Variants in KAZN observed in about 807,000 individuals in gnomAD.
KAZN encodes the protein kazrin.
A neutral mutation model predicts 87.4 loss-of-function variants in KAZN; 40 were observed. That is an observed-to-expected ratio of 0.46 (90% confidence interval 0.36 to 0.60). The LOEUF is 0.60. KAZN is among the 20% of genes least tolerant of loss of function. The pLI, the probability that KAZN is intolerant of heterozygous loss-of-function variation, is 0.00. For missense variants in KAZN, 898 were observed against 1,073.9 expected (o/e 0.84, Z 2.29); for synonymous variants, 466 against 458.3 (o/e 1.02, Z -0.22).
chr1:14,211,307 G>A (rs1273257338), intron 2 of KAZN, among the ~76,000 whole-genome samples: 2 of 152,106 alleles, frequency 1.3e-5, no homozygotes, highest in African/African-American at 4.8e-5. Context: ...TGCAAGTTCC[G>A]CCTCCCGGGT....
rs139750537 is a variant in KAZN, at chr1:15,008,205, G to C, written c.419-26544G>C. Among the ~76,000 whole-genome samples the C allele has an allele frequency of 5.3e-3, 800 of 152,294 alleles. 5 individuals carry two copies. Among genetic ancestry groups the C allele is most frequent in the African/African-American group, 0.018 (756 of 41,568 alleles). ...TGGGCCACACCTCACCCATCCAGAC[G>C]GCACCACCTCGGAGTCCAGGCCTCG... On this transcript the variant is annotated intron_variant, in intron 2 of 14. Transcript: ENST00000376030.
At chr1:14,196,153 G>A (rs1000652030) in intron 2 of KAZN, among the ~76,000 whole-genome samples, 1 of 152,222 alleles carries the variant, frequency 6.6e-6, no homozygotes, top group Admixed American at 6.5e-5. Flanking sequence ...AACGGTGGTT[G>A]GAGGAGGGTG....
intron 2 of KAZN, among the ~76,000 whole-genome samples, chr1:14,220,956 C>A (rs1043006424): frequency 6.6e-6 from 1 of 152,126 alleles, no homozygotes; most frequent in Non-Finnish European, 1.5e-5. Flanking sequence ...CAGCTTCCTC[C>A]GCTTATCCAT....
At chr1:14,877,997 G>A (rs1406332209) in intron 1 of KAZN, among the ~76,000 whole-genome samples, 1 of 152,078 alleles carries the variant, frequency 6.6e-6, no homozygotes, top group East Asian at 1.9e-4. Flanking sequence ...TGGATTTCTT[G>A]TACAAAGTGG....
At chr1:14,250,146 A>T (rs1330801500) in intron 2 of KAZN, among the ~76,000 whole-genome samples, 1 of 152,140 alleles carries the variant, frequency 6.6e-6, no homozygotes, top group African/African-American at 2.4e-5. Flanking sequence ...TAGTTCCTTT[A>T]TACACATGTT....
chr1:14,198,457 G>A (rs1196941470), intron 2 of KAZN, among the ~76,000 whole-genome samples: 1 of 152,096 alleles, frequency 6.6e-6, no homozygotes, highest in Non-Finnish European at 1.5e-5. Flanking sequence ...AAAATTAGCT[G>A]GGCATGGTGG....
At chr1:14,548,885 A>G (rs962682809) in intron 2 of KAZN, among the ~76,000 whole-genome samples, 11 of 152,222 alleles carry the variant, frequency 7.2e-5, no homozygotes, top group Admixed American at 6.5e-5. Context: ...TTTTATCTCT[A>G]TGCTATTGAT....
intron 1 of KAZN, among the ~76,000 whole-genome samples, chr1:14,712,311 G>A (rs575378855): frequency 2.6e-5 from 4 of 152,284 alleles, no homozygotes; most frequent in African/African-American, 7.2e-5. Context: ...CCTGGTCCAG[G>A]GTGCTGGCAG....
chr1:14,728,606 G>A (rs1027303903), intron 1 of KAZN, among the ~76,000 whole-genome samples: 6 of 152,178 alleles, frequency 3.9e-5, no homozygotes, highest in Admixed American at 6.5e-5. Context: ...AAATGCAGCC[G>A]GTTCCTATAA....
intron 1 of KAZN, among the ~76,000 whole-genome samples, chr1:14,805,113 G>A (rs181314818): frequency 2.0e-5 from 3 of 152,320 alleles, no homozygotes; most frequent in African/African-American, 7.2e-5. Context: ...GTACTAGTCG[G>A]GGTATAGGTG....
chr1:14,887,688 C>T (rs537468913), intron 1 of KAZN, among the ~76,000 whole-genome samples: 2 of 142,890 alleles, frequency 1.4e-5, no homozygotes, highest in Admixed American at 7.1e-5. Context: ...TTTTTGCGGT[C>T]GTGCTCCCAG....
chr1:14,468,748 A>C (rs913605900), intron 2 of KAZN, among the ~76,000 whole-genome samples: 1 of 152,182 alleles, frequency 6.6e-6, no homozygotes, highest in Non-Finnish European at 1.5e-5. Context: ...TTTCACCATC[A>C]GTGTCTGGTT....
intron 2 of KAZN, among the ~76,000 whole-genome samples, chr1:14,324,334 A>G (rs1176963176): frequency 1.3e-5 from 2 of 152,180 alleles, no homozygotes; most frequent in Non-Finnish European, 2.9e-5. Flanking sequence ...TGCTGCAGTA[A>G]TAAGTGTCCC....
At chr1:13,920,264 G>A (rs1205853440) in intron 1 of KAZN, among the ~76,000 whole-genome samples, 8 of 129,970 alleles carry the variant, frequency 6.2e-5, no homozygotes, top group East Asian at 2.9e-4. Flanking sequence ...AAAAAAAAAA[G>A]GTTATTTTTC....
intron 2 of KAZN, among the ~76,000 whole-genome samples, chr1:14,527,604 GCAAGAAA>G (rs1014662945): frequency 2.6e-5 from 4 of 151,462 alleles, no homozygotes; most frequent in Middle Eastern, 3.2e-3. Flanking sequence ...TGCAGACTGA[GCAAGAAA>G]CAAGAAACAC....
intron 1 of KAZN, among the ~76,000 whole-genome samples, chr1:14,902,019 A>G (rs141888510): frequency 6.6e-6 from 1 of 152,294 alleles, no homozygotes; most frequent in African/African-American, 2.4e-5. Context: ...GTGTATGCAG[A>G]CACAGAGATG....
At chr1:14,514,501 A>AATATATATTTTCTATATATTTT (rs1671162450) in intron 2 of KAZN, among the ~76,000 whole-genome samples, 1 of 6,822 alleles carries the variant, frequency 1.5e-4, no homozygotes, top group African/African-American at 4.9e-4. Flanking sequence ...ATATATGTAA[A>AATATATATTTTCTATATATTTT]ATATATAATA....
intron 1 of KAZN, among the ~76,000 whole-genome samples, chr1:13,964,695 C>A (rs1320880518): frequency 6.6e-6 from 1 of 152,216 alleles, no homozygotes; most frequent in Non-Finnish European, 1.5e-5. Flanking sequence ...CATGACATCC[C>A]TTTTGCCGCA....
At chr1:14,961,969 T>C (rs961904424) in intron 2 of KAZN, among the ~76,000 whole-genome samples, 14 of 152,208 alleles carry the variant, frequency 9.2e-5, no homozygotes, top group Non-Finnish European at 4.4e-5. Context: ...GCCAGAGATT[T>C]GCCTTTGCAA....
Sources: allele counts gnomAD v4.1 joint callset (sites outside exome capture counted in the v4.1 genomes callset), GRCh38; gene constraint gnomAD v4.1.1; transcripts MANE v1.5; gene names NCBI Gene and HGNC (gene_info 2026-07-23, HGNC 2026-07-21).